NBEA: variants seen among roughly 807,000 people sequenced by gnomAD.
NBEA encodes the protein lysosomal-trafficking regulator 2.
NBEA carries 44 observed loss-of-function variants against 343.4 expected under a neutral mutation model. The observed-to-expected ratio is 0.13, with a 90% CI of 0.10 to 0.16. NBEA has a LOEUF of 0.16. Ranked by LOEUF, NBEA falls within the 10% of genes least tolerant of loss-of-function variation. The probability of loss-of-function intolerance (pLI) is 1.00; values close to 1 mark genes in which losing one functional copy is unlikely to be tolerated. For missense variants in NBEA, 2,555 were observed against 3,631.3 expected, an observed-to-expected ratio of 0.70 and a Z score of 7.62; for synonymous variants, 1,175 against 1,238.7, an observed-to-expected ratio of 0.95 and a Z score of 1.08.
At chr13:34,977,972 T>A (rs2152504275) in intron 1 of NBEA, among the ~76,000 whole-genome samples, 1 of 152,170 alleles carries the variant, frequency 6.6e-6, no homozygotes, top group Non-Finnish European at 1.5e-5. Flanking sequence ...ACTAATTGAT[T>A]AAAAAAATTT....
At chr13:35,533,862 A>G (rs1426216111) in intron 41 of NBEA, among the ~76,000 whole-genome samples, 1 of 152,178 alleles carries the variant, frequency 6.6e-6, no homozygotes, top group Non-Finnish European at 1.5e-5. Context: ...ACCAGGGAAA[A>G]CATTCCACAT....
At chr13:35,331,518 G>T (rs1566628482) in intron 36 of NBEA, among the ~76,000 whole-genome samples, 1 of 151,914 alleles carries the variant, frequency 6.6e-6, no homozygotes, top group Non-Finnish European at 1.5e-5. Context: ...AAATGAATTT[G>T]TCTGACCTAT....
chr13:35,222,858 G>A (rs1264210588), intron 33 of NBEA, among the ~76,000 whole-genome samples: 4 of 152,170 alleles, frequency 2.6e-5, no homozygotes, highest in Non-Finnish European at 5.9e-5. Context: ...GCCGGGCATG[G>A]TGGCTCACAC....
intron 45 of NBEA, among the ~76,000 whole-genome samples, chr13:35,574,402 A>AAAAGG (rs2080620758): frequency 8.6e-6 from 1 of 116,084 alleles, no homozygotes; most frequent in African/African-American, 3.7e-5. Context: ...AAAACAAAAG[A>AAAAGG]AAAAAAACAA....
Position 35,041,080 on chromosome 13 carries a change from G to A in NBEA, c.442G>A (p.Val148Ile). ...SMFTAILRKS[V>I]RNLQTSTEVG... ...GTTTACAGCCATTCTACGAAAAAGT[G>A]TTCGGAATTTACAGACTAGCACAGA... Residue 148 changes from valine to isoleucine, a missense_variant, in exon 2 of 59, where the codon GTT becomes ATT. Around this residue, in one of 21 missense-constraint regions of NBEA, gnomAD observed 185 missense variants for 290.6 expected, o/e 0.64. Transcript: ENST00000379939. The A allele has an allele frequency of 6.2e-7, 1 of 1,613,208 alleles. No homozygotes were observed. The highest frequency in any genetic ancestry group is 2.2e-5 in the East Asian group (1 of 44,816).
At chr13:35,302,442 A>G (rs1034175078) in intron 35 of NBEA, among the ~76,000 whole-genome samples, 7 of 152,194 alleles carry the variant, frequency 4.6e-5, no homozygotes, top group African/African-American at 1.7e-4. Flanking sequence ...AATTATGCAA[A>G]TAGTTGCAAA....
chr13:35,348,046 A>G lies in NBEA; in HGVS notation c.5904-1062A>G, dbSNP rs1010845308. On this transcript the variant is annotated intron_variant, in intron 36 of 58. Coordinates refer to ENST00000379939, the MANE Select transcript of NBEA (RefSeq NM_001385012.1). ...TCACTTCTGCTGTATTCTGTGGCTCACAGGAAGTCACAGGGCAAGTCCAGA... is the reference window on the plus strand; with the variant it reads ...TCACTTCTGCTGTATTCTGTGGCTCGCAGGAAGTCACAGGGCAAGTCCAGA... Among the ~76,000 whole-genome samples the G allele has an allele frequency of 3.3e-5, 5 of 152,098 alleles. No homozygotes were observed. In the South Asian group the frequency reaches 1.0e-3, roughly 32 times the overall value.
chr13:35,549,007 C>T (rs1250627440), intron 41 of NBEA, among the ~76,000 whole-genome samples: 1 of 152,184 alleles, frequency 6.6e-6, no homozygotes, highest in Non-Finnish European at 1.5e-5. Context: ...ATCATTATCA[C>T]TGTTTTTCAG....
At chr13:35,451,344 C>CG (rs1434817099) in intron 39 of NBEA, among the ~76,000 whole-genome samples, 1 of 152,092 alleles carries the variant, frequency 6.6e-6, no homozygotes, top group East Asian at 1.9e-4. Flanking sequence ...AGGATGGTCT[C>CG]ATCTCCTGAC....
At chr13:35,274,590 G>T (rs1376048209) in intron 34 of NBEA, among the ~76,000 whole-genome samples, 2 of 152,142 alleles carry the variant, frequency 1.3e-5, no homozygotes, top group Non-Finnish European at 2.9e-5. Flanking sequence ...GTTTGCAGAT[G>T]ACATAATTGT....
intron 41 of NBEA, among the ~76,000 whole-genome samples, chr13:35,528,174 C>T (rs1215659212): frequency 2.0e-5 from 3 of 152,150 alleles, no homozygotes; most frequent in Non-Finnish European, 2.9e-5. Context: ...AGCATAAGTA[C>T]ATCCATTATG....
At chr13:35,113,828 G>A (rs2066356597) in intron 13 of NBEA, among the ~76,000 whole-genome samples, 1 of 152,158 alleles carries the variant, frequency 6.6e-6, no homozygotes, top group Admixed American at 6.5e-5. Context: ...GGTGTGGCTT[G>A]TTCTAGTGAA....
intron 10 of NBEA, among the ~76,000 whole-genome samples, chr13:35,088,696 G>A (rs1048413878): frequency 2.6e-5 from 4 of 151,650 alleles, no homozygotes; most frequent in African/African-American, 2.4e-5. Flanking sequence ...GCATGGTACC[G>A]GTACCAAAAC....
At chr13:35,469,628 G>T (rs765040072) in intron 40 of NBEA, among the ~76,000 whole-genome samples, 1 of 152,276 alleles carries the variant, frequency 6.6e-6, no homozygotes, top group Non-Finnish European at 1.5e-5. Context: ...ATATTTCTAT[G>T]TGTGCCGAGG....
rs531498083 is a variant in NBEA at position 35,225,844 on chromosome 13, G to A, written c.5649-6648G>A. 5.9e-5 allele frequency among the ~76,000 whole-genome samples: 9 copies of A among 152,162 alleles called. No homozygotes were observed. The South Asian group carries it at 1.0e-3, about 18-fold the overall frequency. ...TACCTAGCAACCTCAGCTCTCTGAT[G>A]AGGCCTAACAAAGTTATAATTCTTT... On this transcript the variant is annotated intron_variant, in intron 33 of 58. Coordinates refer to ENST00000379939, the MANE Select transcript of NBEA (RefSeq NM_001385012.1).
chr13:35,383,683 C>T (rs1002980473), intron 38 of NBEA, among the ~76,000 whole-genome samples: 1 of 151,822 alleles, frequency 6.6e-6, no homozygotes, highest in Non-Finnish European at 1.5e-5. Context: ...ATCTATTGGA[C>T]GTAGCTGTAC....
At chr13:35,402,129 A>G (rs1186655191) in intron 38 of NBEA, among the ~76,000 whole-genome samples, 1 of 152,022 alleles carries the variant, frequency 6.6e-6, no homozygotes, top group African/African-American at 2.4e-5. Flanking sequence ...ACAAGAAAAT[A>G]TTTCAGACAT....
At chr13:35,456,915 G>A (rs1033822302) in intron 40 of NBEA, among the ~76,000 whole-genome samples, 1 of 151,470 alleles carries the variant, frequency 6.6e-6, no homozygotes. Context: ...TCTGTAAATT[G>A]TAATAATTTT....
At chr13:35,108,568 T>A (rs2066032889) in intron 11 of NBEA, among the ~76,000 whole-genome samples, 1 of 152,214 alleles carries the variant, frequency 6.6e-6, no homozygotes, top group Non-Finnish European at 1.5e-5. Flanking sequence ...TTTTTAAAAA[T>A]ATTCTGAGCT....
Sources: gnomAD v4.1 joint callset for allele counts (sites outside exome capture counted in the v4.1 genomes callset) on GRCh38, gnomAD v4.1.1 for gene constraint, gnomAD v4.1.1 regional missense constraint, MANE v1.5 for transcripts, NCBI Gene and HGNC (gene_info 2026-07-23, HGNC 2026-07-21) for gene names.